ZP3: variants seen among roughly 807,000 people sequenced by gnomAD.
ZP3 encodes the protein zona pellucida glycoprotein 3.
Under a neutral mutation model 35.6 loss-of-function variants are expected in ZP3, and 21 were observed. That is an observed-to-expected ratio of 0.59 (90% CI 0.42 to 0.85). The LOEUF is 0.85. Among genes scored for constraint, ZP3 ranks in the 40% least tolerant of loss-of-function variants. The probability of loss-of-function intolerance (pLI) is 0.00; values close to 1 mark genes in which losing one functional copy is unlikely to be tolerated. For missense variants in ZP3, 437 were observed against 536.5 expected, an observed-to-expected ratio of 0.81 and a Z score of 1.83; for synonymous variants, 207 against 214.5, an observed-to-expected ratio of 0.96 and a Z score of 0.31.
rs1437599997 is a variant in ZP3, at chr7:76,438,558, G to A, written c.832-1692G>A. On this transcript the variant is annotated intron_variant, in intron 5 of 7. Transcript: ENST00000394857. The stretch of plus-strand genomic sequence containing the variant: ...TCTCAGAAAAAAAAAAAAAAAAAAA[G>A]GGTAGCGGGGCAGTGCTTACAGGGT... Among the ~76,000 whole-genome samples the A allele has an allele frequency of 1.5e-4, 15 of 100,960 alleles. 1 individual carries two copies. Among genetic ancestry groups the A allele is most frequent in the African/African-American group, 4.0e-4 (10 of 24,708 alleles). The allele number at this position is 100,960 out of a possible 152,430, so 66.2% of individuals were successfully genotyped here. A position where few individuals can be genotyped will look rare whatever the true frequency, so the allele number is the denominator to read the frequency against.
At chr7:76,424,074 T>C (rs898095816), upstream of ZP3, among the ~76,000 whole-genome samples, 1 of 152,084 alleles carries the variant, frequency 6.6e-6, no homozygotes, top group East Asian at 1.9e-4. Context: ...TGTCTCCTAA[T>C]TGATACCGCC....
chr7:76,400,974 G>T (rs999452728), intron 1 of ZP3: 1 of 1,551,088 alleles, frequency 6.4e-7, no homozygotes, highest in Admixed American at 2.0e-5. Flanking sequence ...TGGCGGACAG[G>T]TGAGGGTGAG....
intron 1 of ZP3, among the ~76,000 whole-genome samples, chr7:76,410,649 T>C (rs1362317828): frequency 2.6e-5 from 4 of 151,980 alleles, no homozygotes; most frequent in African/African-American, 9.7e-5. Context: ...CCGGCAGGAC[T>C]TAATTTCCTG....
chr7:76,424,237 G>A (rs1193132920), upstream of ZP3, among the ~76,000 whole-genome samples: 1 of 152,136 alleles, frequency 6.6e-6, no homozygotes, highest in African/African-American at 2.4e-5. Context: ...GCAGGGGATC[G>A]GAGGGAAGCT....
intron 1 of ZP3, among the ~76,000 whole-genome samples, chr7:76,414,000 T>C (rs1156867746): frequency 2.7e-5 from 1 of 36,514 alleles, no homozygotes; most frequent in East Asian, 6.1e-4. Flanking sequence ...TTCTTCTTCT[T>C]TTTTTTTTTT....
At position 76,397,550 on chromosome 7, in the gene ZP3, C is replaced by T; in HGVS notation, c.-314C>T. 1 of 1,595,606 alleles carries T rather than the reference C, an allele frequency of 6.3e-7. No individual in the cohort carries two copies. Among genetic ancestry groups the T allele is most frequent in the South Asian group, 1.1e-5 (1 of 89,338 alleles). On this transcript the variant is annotated 5_prime_UTR_variant, in exon 1 of 9. Transcript: ENST00000336517. ...GAGCGCGCCCGCGTCCTCGTGGTGGCCGCAGTTGTGCACACCCCAGCCCAG... is the reference window on the plus strand; with the variant it reads ...GAGCGCGCCCGCGTCCTCGTGGTGGTCGCAGTTGTGCACACCCCAGCCCAG...
intron 1 of ZP3, among the ~76,000 whole-genome samples, chr7:76,427,441 G>A (rs906260099): frequency 1.3e-5 from 2 of 151,066 alleles, no homozygotes; most frequent in African/African-American, 2.4e-5. Context: ...GCTTGAACCC[G>A]GGAGGCGTAG....
upstream of ZP3, among the ~76,000 whole-genome samples, chr7:76,424,217 G>T (rs1275671077): frequency 2.0e-5 from 3 of 152,174 alleles, no homozygotes; most frequent in African/African-American, 7.2e-5. Flanking sequence ...GCTTCCTAAG[G>T]GCAGGGCCAG....
chr7:76,423,973 TCTC>T (rs1217381801), upstream of ZP3, among the ~76,000 whole-genome samples: 5 of 152,056 alleles, frequency 3.3e-5, no homozygotes, highest in Non-Finnish European at 7.4e-5. Flanking sequence ...CAGGGCCCCT[TCTC>T]CACCTCTCTT....
chr7:76,433,274 C>G (rs560337990), intron 3 of ZP3, among the ~76,000 whole-genome samples, 196 bp from the exon 4 acceptor site: 1 of 151,602 alleles, frequency 6.6e-6, no homozygotes. Flanking sequence ...CCTGCCTCAG[C>G]CTCCCGAGTA....
chr7:76,410,832 T>G (rs1281106401), intron 1 of ZP3, among the ~76,000 whole-genome samples: 1 of 151,144 alleles, frequency 6.6e-6, no homozygotes, highest in Non-Finnish European at 1.5e-5. Flanking sequence ...CCGTCTCTAC[T>G]AAAAATACAA....
chr7:76,399,628 C>A (rs1348250958), intron 1 of ZP3, among the ~76,000 whole-genome samples: 1 of 152,086 alleles, frequency 6.6e-6, no homozygotes. Flanking sequence ...TTGACCCCCC[C>A]AGACTCCAGC....
intron 1 of ZP3, among the ~76,000 whole-genome samples, chr7:76,406,110 T>C (rs990280681): frequency 1.3e-5 from 2 of 152,088 alleles, no homozygotes; most frequent in Non-Finnish European, 2.9e-5. Flanking sequence ...CTCAGCCTCC[T>C]GAGTAGCTGG....
chr7:76,413,299 G>A (rs1805292769), intron 1 of ZP3, among the ~76,000 whole-genome samples: 1 of 151,688 alleles, frequency 6.6e-6, no homozygotes. Flanking sequence ...TTGTTGCCCA[G>A]TATGGAGTGA....
rs1386480210 is a variant in ZP3 at position 76,438,554 on chromosome 7, A to T, written c.832-1696A>T. On this transcript the variant is annotated intron_variant, in intron 5 of 7. Transcript: ENST00000394857. ...TCCGTCTCAGAAAAAAAAAAAAAAAAAAAGGGTAGCGGGGCAGTGCTTACA... is the reference window on the plus strand; with the variant it reads ...TCCGTCTCAGAAAAAAAAAAAAAAATAAAGGGTAGCGGGGCAGTGCTTACA... 2.7e-5 allele frequency among the ~76,000 whole-genome samples: 4 copies of T among 149,522 alleles called. No homozygotes were observed. In the East Asian group the frequency reaches 5.9e-4, roughly 22 times the overall value.
At chr7:76,436,015 C>A (rs1465101312) in intron 5 of ZP3, among the ~76,000 whole-genome samples, 7 of 140,572 alleles carry the variant, frequency 5.0e-5, no homozygotes, top group African/African-American at 2.7e-5. Flanking sequence ...TGAACCACCA[C>A]GCGCCCCCCG....
chr7:76,404,408 G>A, intron 1 of ZP3: 1 of 1,614,016 alleles, frequency 6.2e-7, no homozygotes, highest in Admixed American at 1.7e-5. Context: ...ATCCAGCTGG[G>A]GACCAATTAG....
intron 2 of ZP3, among the ~76,000 whole-genome samples, chr7:76,431,094 C>G (rs528325105): frequency 6.6e-6 from 1 of 152,320 alleles, no homozygotes; most frequent in South Asian, 2.1e-4. Flanking sequence ...CAAATGGGAA[C>G]TAGTGAGAAC....
At chr7:76,428,013 G>T (rs1043358421) in intron 1 of ZP3, among the ~76,000 whole-genome samples, 1 of 152,064 alleles carries the variant, frequency 6.6e-6, no homozygotes, top group African/African-American at 2.4e-5. Context: ...GATGAGAGGT[G>T]GGGATAGTGA....
Sources: gnomAD v4.1 joint callset for allele counts (sites outside exome capture counted in the v4.1 genomes callset) on GRCh38, gnomAD v4.1.1 for gene constraint, MANE v1.5 for transcripts, NCBI Gene and HGNC (gene_info 2026-07-23, HGNC 2026-07-21) for gene names.